SLC39A10: variants seen among roughly 807,000 people sequenced by gnomAD.
The protein encoded by SLC39A10 is solute carrier family 39 member 10.
A neutral mutation model predicts 65.1 loss-of-function variants in SLC39A10; 13 were observed. The observed-to-expected ratio is 0.20, with a 90% confidence interval of 0.13 to 0.32. The LOEUF (loss-of-function observed/expected upper bound fraction) is 0.32, where lower values mean the gene tolerates loss of function less well. Among genes scored for constraint, SLC39A10 ranks in the 10% least tolerant of loss-of-function variants. SLC39A10 has a pLI of 1.00. For missense variants in SLC39A10, 831 were observed against 1,018.4 expected (o/e 0.82, Z 2.50); for synonymous variants, 321 against 342.2 (o/e 0.94, Z 0.68).
rs1457559407 is a variant in SLC39A10 at position 195,714,208 on chromosome 2, G to A, written c.1696+655G>A. Among the ~76,000 whole-genome samples, 3 of 152,292 alleles carry A rather than the reference G, an allele frequency of 2.0e-5. No individual in the cohort carries two copies. The East Asian group carries it at 5.8e-4, about 29-fold the overall frequency. ...GGCCTCCCAAAGTGCTGGGATTACA[G>A]GAGTGAGCCACCGCGCCCGGCCGAC... On this transcript the variant is annotated intron_variant, in intron 6 of 9. Coordinates refer to ENST00000359634, the MANE Select transcript of SLC39A10 (RefSeq NM_020342.3).
At chr2:195,686,804 G>A (rs953480809) in intron 3 of SLC39A10, among the ~76,000 whole-genome samples, 5 of 152,154 alleles carry the variant, frequency 3.3e-5, no homozygotes, top group Non-Finnish European at 5.9e-5. Flanking sequence ...CATAACCACT[G>A]TGCTGTAATT....
intron 4 of SLC39A10, among the ~76,000 whole-genome samples, chr2:195,708,427 T>C (rs758238772): frequency 1.1e-4 from 17 of 152,208 alleles, no homozygotes; most frequent in Admixed American, 6.5e-5. Context: ...CTTATTCTTA[T>C]AGCATTTGAC....
chr2:195,659,159 A>G (rs986487004), intron 1 of SLC39A10, among the ~76,000 whole-genome samples: 5 of 152,184 alleles, frequency 3.3e-5, no homozygotes, highest in East Asian at 3.8e-4. Flanking sequence ...TTACCTGTCC[A>G]TATTTACAAA....
chr2:195,614,763 G>GA (rs1167921631), intron 2 of SLC39A10, among the ~76,000 whole-genome samples: 11 of 123,104 alleles, frequency 8.9e-5, no homozygotes, highest in African/African-American at 2.7e-4. Flanking sequence ...CAATATAAAT[G>GA]AAAAAAATAG....
At chr2:195,633,677 G>A (rs1198169487) in intron 2 of SLC39A10, among the ~76,000 whole-genome samples, 2 of 151,814 alleles carry the variant, frequency 1.3e-5, no homozygotes, top group Non-Finnish European at 2.9e-5. Context: ...GCTGGAAAGG[G>A]GATAGAGCAG....
At chr2:195,622,508 G>C (rs1363550863) in intron 2 of SLC39A10, among the ~76,000 whole-genome samples, 2 of 152,346 alleles carry the variant, frequency 1.3e-5, no homozygotes, top group South Asian at 4.1e-4. Flanking sequence ...AATATTTTCT[G>C]TTTGAGGCCA....
At chr2:195,677,891 A>G (rs1690156309) in intron 1 of SLC39A10, among the ~76,000 whole-genome samples, 2 of 151,958 alleles carry the variant, frequency 1.3e-5, no homozygotes, top group Admixed American at 1.3e-4. Context: ...CTGGGCTTAC[A>G]GGCACATGCC....
Position 195,716,963 on chromosome 2 carries a change from A to T in SLC39A10, c.2023A>T (p.Met675Leu), listed in dbSNP as rs1042532614. The change falls in exon 7 of 10, where the codon ATG becomes TTG. Residue 675 changes from methionine (M) to leucine (L), a missense_variant. Around this residue, in one of 4 missense-constraint regions of SLC39A10, gnomAD observed 120 missense variants for 203.9 expected, o/e 0.59. Coordinates refer to ENST00000359634, the MANE Select transcript of SLC39A10 (RefSeq NM_020342.3). Reference protein sequence around the residue: ...GIANIAWMVIMGDGIHNFSDG... With the variant: ...GIANIAWMVILGDGIHNFSDG... Reference sequence around the variant, plus strand: ...AGCTAATATAGCCTGGATGGTGATCATGGGGGATGGCATCCACAACTTCAG... The same window carrying T: ...AGCTAATATAGCCTGGATGGTGATCTTGGGGGATGGCATCCACAACTTCAG... 1 of 1,614,180 alleles carries T rather than the reference A, an allele frequency of 6.2e-7. No individual in the cohort carries two copies.
intron 8 of SLC39A10, among the ~76,000 whole-genome samples, chr2:195,721,755 G>T (rs1377795791): frequency 7.2e-5 from 11 of 151,952 alleles, no homozygotes; most frequent in Non-Finnish European, 1.6e-4. Flanking sequence ...AATAGACTTG[G>T]ATAATCACGC....
At chr2:195,621,037 A>T (rs1000575936) in intron 2 of SLC39A10, among the ~76,000 whole-genome samples, 1 of 152,216 alleles carries the variant, frequency 6.6e-6, no homozygotes, top group East Asian at 1.9e-4. Context: ...TCTGGATCTA[A>T]TATTTTTCAA....
chr2:195,628,535 C>T (rs1380739162), intron 2 of SLC39A10, among the ~76,000 whole-genome samples: 1 of 152,042 alleles, frequency 6.6e-6, no homozygotes, highest in Non-Finnish European at 1.5e-5. Context: ...CAGATGGAAA[C>T]AAAAGGCCTC....
At chr2:195,625,429 C>A (rs1333716970) in intron 2 of SLC39A10, among the ~76,000 whole-genome samples, 1 of 151,650 alleles carries the variant, frequency 6.6e-6, no homozygotes, top group Non-Finnish European at 1.5e-5. Context: ...GCACCTGCCA[C>A]CACGCCCGGC....
intron 5 of SLC39A10, among the ~76,000 whole-genome samples, chr2:195,709,865 G>A (rs544918252): frequency 9.2e-5 from 14 of 152,226 alleles, no homozygotes; most frequent in African/African-American, 2.4e-4. Context: ...AGTTTCATCC[G>A]TCTTCTTAGG....
At chr2:195,627,928 C>T (rs146963468) in intron 2 of SLC39A10, among the ~76,000 whole-genome samples, 2 of 152,270 alleles carry the variant, frequency 1.3e-5, no homozygotes, top group East Asian at 3.9e-4. Flanking sequence ...TTTAAAGAGA[C>T]ATTAAAATGC....
At chr2:195,642,513 T>C (rs1043837214) in intron 2 of SLC39A10, among the ~76,000 whole-genome samples, 3 of 152,110 alleles carry the variant, frequency 2.0e-5, no homozygotes, top group Non-Finnish European at 2.9e-5. Flanking sequence ...TTTTAAATTA[T>C]CCAAGCGTAA....
At chr2:195,690,099 C>G (rs1690671789) in intron 3 of SLC39A10, among the ~76,000 whole-genome samples, 1 of 125,482 alleles carries the variant, frequency 8.0e-6, no homozygotes, top group South Asian at 2.8e-4. Context: ...ATTGTTTGAA[C>G]TGGGAGGCAG....
intron 2 of SLC39A10, among the ~76,000 whole-genome samples, chr2:195,616,142 A>G (rs1688202259): frequency 6.6e-6 from 1 of 151,932 alleles, no homozygotes; most frequent in South Asian, 2.1e-4. Flanking sequence ...TTCAGTAGAG[A>G]CGGGTTTTCA....
chr2:195,644,753 T>G (rs1688876912), intron 2 of SLC39A10, among the ~76,000 whole-genome samples: 1 of 151,728 alleles, frequency 6.6e-6, no homozygotes, highest in African/African-American at 2.4e-5. Flanking sequence ...TGCACTGAGC[T>G]TTATCACGCC....
chr2:195,674,448 T>G (rs998290152), intron 1 of SLC39A10: 1 of 255,994 alleles, frequency 3.9e-6, no homozygotes, highest in Admixed American at 6.5e-5. Context: ...TGGCTAATTT[T>G]TGTGTTTTAG....
Sources: gnomAD v4.1 joint callset for allele counts (sites outside exome capture counted in the v4.1 genomes callset) on GRCh38, gnomAD v4.1.1 for gene constraint, gnomAD v4.1.1 regional missense constraint, MANE v1.5 for transcripts, NCBI Gene and HGNC (gene_info 2026-07-23, HGNC 2026-07-21) for gene names.